The following FOXN3 variants were observed in gnomAD, a reference collection of about 807,000 sequenced individuals.
FOXN3 encodes the protein forkhead box protein N3.
FOXN3 carries 7 observed loss-of-function variants against 38.4 expected under a neutral mutation model. The ratio of observed to expected loss-of-function variants is 0.18; its 90% confidence interval spans 0.10 to 0.34. The LOEUF is 0.34. Ranked by LOEUF, FOXN3 falls within the 10% of genes least tolerant of loss-of-function variation. FOXN3 has a pLI of 1.00. For synonymous variants in FOXN3, 230 were observed against 242.2 expected (o/e 0.95, Z 0.47); for missense variants, 456 against 613.4 (o/e 0.74, Z 2.71).
intron 2 of FOXN3, among the ~76,000 whole-genome samples, chr14:89,365,386 A>T (rs1375018767): frequency 6.6e-6 from 1 of 152,242 alleles, no homozygotes; most frequent in Non-Finnish European, 1.5e-5. Flanking sequence ...AATGATCATG[A>T]AAACATCCAA....
At chr14:89,447,666 C>G (rs958443431) in intron 1 of FOXN3, among the ~76,000 whole-genome samples, 2 of 152,002 alleles carry the variant, frequency 1.3e-5, no homozygotes, top group Non-Finnish European at 2.9e-5. Context: ...CTCCCAAGGG[C>G]CGCACAAAAA....
chr14:89,474,598 A>C (rs111569209), intron 1 of FOXN3, among the ~76,000 whole-genome samples: 27 of 152,330 alleles, frequency 1.8e-4, no homozygotes, highest in African/African-American at 6.5e-4. Flanking sequence ...TAAGCTAACA[A>C]TTTGCGGCAA....
intron 2 of FOXN3, among the ~76,000 whole-genome samples, chr14:89,399,241 T>G (rs908919025): frequency 1.3e-5 from 2 of 152,138 alleles, no homozygotes; most frequent in South Asian, 4.1e-4. Flanking sequence ...CTGATGCCAC[T>G]GGGCACTGGA....
intron 3 of FOXN3, among the ~76,000 whole-genome samples, chr14:89,300,900 G>A (rs889800418): frequency 6.6e-6 from 1 of 152,266 alleles, no homozygotes. Context: ...AGGTTCAAGC[G>A]ATTCTCTTGC....
intron 3 of FOXN3, among the ~76,000 whole-genome samples, chr14:89,300,972 CT>C (rs200243821): frequency 1.1e-4 from 16 of 145,756 alleles, no homozygotes; most frequent in South Asian, 2.2e-4. Flanking sequence ...AATTTTTTTG[CT>C]TTTTTTTTTA....
rs961528305 is a variant in FOXN3 at position 89,484,065 on chromosome 14, G to C, written c.-14-71575C>G. On this transcript the variant is annotated intron_variant, in intron 1 of 6. Transcript: ENST00000345097. The surrounding 1 kb of genome is among the most constrained non-coding windows in gnomAD (Gnocchi z 4.0). ...TTCATCTTACAGACAACCCTAAGACGAAATGGCCTCATGTTGCATCTAGGT... is the reference window on the plus strand; with the variant it reads ...TTCATCTTACAGACAACCCTAAGACCAAATGGCCTCATGTTGCATCTAGGT... Among the ~76,000 whole-genome samples the C allele has an allele frequency of 6.6e-6, 1 of 152,170 alleles. No individual in the cohort carries two copies. Among genetic ancestry groups the C allele is most frequent in the Non-Finnish European group, 1.5e-5 (1 of 68,024 alleles).
intron 2 of FOXN3, among the ~76,000 whole-genome samples, chr14:89,367,908 A>T (rs538465854): frequency 6.6e-6 from 1 of 152,176 alleles, no homozygotes; most frequent in Non-Finnish European, 1.5e-5. Context: ...CAACCCAAGC[A>T]TCGTATCTTC....
intron 4 of FOXN3, among the ~76,000 whole-genome samples, chr14:89,187,945 T>C (rs1372224556): frequency 6.6e-6 from 1 of 152,170 alleles, no homozygotes; most frequent in African/African-American, 2.4e-5. Flanking sequence ...AATGCAAAGG[T>C]AGACTCCCTA....
intron 4 of FOXN3, among the ~76,000 whole-genome samples, chr14:89,255,760 A>G (rs1391926482): frequency 6.6e-6 from 1 of 152,090 alleles, no homozygotes; most frequent in African/African-American, 2.4e-5. Flanking sequence ...ACCACTAACA[A>G]GGCCTGGGGT....
At chr14:89,595,316 T>C (rs1402452725) in intron 1 of FOXN3, among the ~76,000 whole-genome samples, 4 of 151,626 alleles carry the variant, frequency 2.6e-5, no homozygotes, top group African/African-American at 7.3e-5. Flanking sequence ...TTGAGCGAGA[T>C]TCCATCTCAA....
At chr14:89,374,260 T>C (rs1890404228) in intron 2 of FOXN3, among the ~76,000 whole-genome samples, 2 of 27,966 alleles carry the variant, frequency 7.2e-5, no homozygotes, top group Non-Finnish European at 1.1e-4. Context: ...TGAGACCTTG[T>C]CTCAAAAAAA....
At chr14:89,289,089 C>A (rs1481306108) in intron 3 of FOXN3, among the ~76,000 whole-genome samples, 1 of 146,460 alleles carries the variant, frequency 6.8e-6, no homozygotes, top group Non-Finnish European at 1.5e-5. Flanking sequence ...GGCTTAGGCA[C>A]AAGAATCGCT....
chr14:89,445,752 G>A (rs2052254), intron 1 of FOXN3, among the ~76,000 whole-genome samples: 85,846 of 151,748 alleles, frequency 0.57, 24,453 homozygotes, highest in Middle Eastern at 0.68. Context: ...GAAATTCAGC[G>A]TGGTCCTCTG....
chr14:89,333,749 T>TTAAAAAAAAA (rs1555418764), intron 3 of FOXN3, among the ~76,000 whole-genome samples: 3 of 57,266 alleles, frequency 5.2e-5, no homozygotes, highest in African/African-American at 6.3e-5. Context: ...GAGAGACTAT[T>TTAAAAAAAAA]AAAAAAAAAA....
chr14:89,461,712 G>C (rs1456656108), intron 1 of FOXN3, among the ~76,000 whole-genome samples: 4 of 152,172 alleles, frequency 2.6e-5, no homozygotes, highest in Non-Finnish European at 5.9e-5. Context: ...GAAGGAAAAT[G>C]GCAGCCCCAG....
chr14:89,380,727 G>A (rs774661058), intron 2 of FOXN3, among the ~76,000 whole-genome samples: 1 of 152,212 alleles, frequency 6.6e-6, no homozygotes, highest in Non-Finnish European at 1.5e-5. Flanking sequence ...CAGCCTCACA[G>A]ACCATGGGCA....
intron 3 of FOXN3, among the ~76,000 whole-genome samples, chr14:89,341,478 A>G (rs1304605897): frequency 6.6e-6 from 1 of 152,134 alleles, no homozygotes; most frequent in Admixed American, 6.5e-5. Flanking sequence ...ATGTTCTTCA[A>G]ATCTTTTATG....
rs1365646787 is a variant in FOXN3, at chr14:89,162,375, C to T, written c.*39G>A. The T allele has an allele frequency of 6.8e-7, 1 of 1,473,664 alleles. No individual in the cohort carries two copies. Among genetic ancestry groups the T allele is most frequent in the Non-Finnish European group, 9.1e-7 (1 of 1,104,840 alleles). 91.3% of individuals were successfully genotyped at this position (1,473,664 alleles called of 1,614,324 possible). A position where few individuals can be genotyped will look rare whatever the true frequency, so the allele number is the denominator to read the frequency against. ...TAGAAATCTCCTGACATGCTGAAAC[C>T]AAATGGTCGTAAGTTCAAAACAAAT... On this transcript the variant is annotated 3_prime_UTR_variant, in exon 6 of 6. Coordinates refer to ENST00000557258, the MANE Select transcript of FOXN3 (RefSeq NM_005197.4). This position sits in a 1 kb window ranked among gnomAD's most constrained non-coding sequence, Gnocchi z 7.2.
chr14:89,384,204 G>A (rs896551301), intron 2 of FOXN3, among the ~76,000 whole-genome samples: 3 of 152,252 alleles, frequency 2.0e-5, no homozygotes, highest in Admixed American at 6.5e-5. Flanking sequence ...AGAAGCAGCT[G>A]AGGATGACAG....
Sources: gnomAD v4.1 joint callset for allele counts (sites outside exome capture counted in the v4.1 genomes callset) on GRCh38, gnomAD v4.1.1 for gene constraint, Gnocchi (gnomAD v3.1) non-coding constraint, MANE v1.5 for transcripts, NCBI Gene and HGNC (gene_info 2026-07-23, HGNC 2026-07-21) for gene names.